The following TMEM252 variants were observed in gnomAD, a reference collection of about 807,000 sequenced individuals.
TMEM252 encodes transmembrane protein 252, also known as transmembrane protein C9orf71.
TMEM252 carries 4 observed loss-of-function variants against 6.4 expected under a neutral mutation model. That is an observed-to-expected ratio of 0.62 (90% confidence interval 0.31 to 1.43). TMEM252 has a LOEUF of 1.43. TMEM252 is among the 40% of genes most tolerant of loss of function. TMEM252 has a pLI of 0.07. For synonymous variants in TMEM252, 85 were observed against 82.5 expected, an observed-to-expected ratio of 1.03 and a Z score of -0.17; for missense variants, 207 against 209.4, an observed-to-expected ratio of 0.99 and a Z score of 0.07.
chr9:68,539,759 CCTG>C (rs1353005960), intron 1 of TMEM252, among the ~76,000 whole-genome samples: 1 of 152,130 alleles, frequency 6.6e-6, no homozygotes, highest in Non-Finnish European at 1.5e-5. Flanking sequence ...CATTTGAATC[CCTG>C]CTTTCAGTTC....
chr9:68,537,574 C>G (rs1249756198), intron 1 of TMEM252, 81 bp from the exon 2 acceptor site: 19 of 1,102,024 alleles, frequency 1.7e-5, no homozygotes, highest in African/African-American at 4.8e-5. Flanking sequence ...TCTCTCAGCT[C>G]AAATTGTGCG....
rs1825149979 is a variant in TMEM252 at position 68,537,197 on chromosome 9, T to C, written c.*62A>G. On this transcript the variant is annotated 3_prime_UTR_variant, in exon 2 of 2. Coordinates refer to ENST00000377311, the MANE Select transcript of TMEM252 (RefSeq NM_153237.2). The stretch of plus-strand genomic sequence containing the variant: ...TCCTCCCACAGTCCCTCGTTTGCCT[T>C]TATTATCAGTAGCTGCTCCCCACAG... 4 of 1,462,858 alleles carry C rather than the reference T, an allele frequency of 2.7e-6. No individual in the cohort carries two copies. The highest frequency in any genetic ancestry group is 3.7e-6 in the Non-Finnish European group (4 of 1,069,414). 90.6% of individuals were successfully genotyped at this position (1,462,858 alleles called of 1,614,324 possible).
In TMEM252 at chr9:68,540,871, G is replaced by T; in HGVS notation, c.-57C>A. 1 of 1,553,320 alleles carries T rather than the reference G, an allele frequency of 6.4e-7. No individual in the cohort carries two copies. Among genetic ancestry groups the T allele is most frequent in the Non-Finnish European group, 8.8e-7 (1 of 1,136,232 alleles). On this transcript the variant is annotated 5_prime_UTR_variant, in exon 1 of 2. Coordinates refer to ENST00000377311, the MANE Select transcript of TMEM252 (RefSeq NM_153237.2). The stretch of plus-strand genomic sequence containing the variant: ...CTGCTGCTCCTCTGCTTCCCTGCTT[G>T]CTCCAAGAGAATGAGCTCATTAGCC...
rs553387246 is a variant in TMEM252 at position 68,540,827 on chromosome 9, G to C, written c.-13C>G. 94 of 1,610,466 alleles carry C rather than the reference G, an allele frequency of 5.8e-5. 1 individual carries two copies. In the South Asian group the frequency reaches 9.8e-4, roughly 17 times the overall value. Reference sequence around the variant, plus strand: ...TTCTGTTCTGCATCCTTGCACCTTAGGAACCCAGCACCCTGACCCTGCTGC... The same window carrying C: ...TTCTGTTCTGCATCCTTGCACCTTACGAACCCAGCACCCTGACCCTGCTGC... On this transcript the variant is annotated 5_prime_UTR_variant, in exon 1 of 2. Coordinates refer to ENST00000377311, the MANE Select transcript of TMEM252 (RefSeq NM_153237.2).
intron 1 of TMEM252, among the ~76,000 whole-genome samples, chr9:68,539,066 A>C (rs546435099): frequency 1.3e-5 from 2 of 152,366 alleles, no homozygotes; most frequent in South Asian, 4.1e-4. Flanking sequence ...TTATTATCTT[A>C]TTAATTAGCA....
rs1233705209 is a variant in TMEM252 at position 68,537,171 on chromosome 9, T to C, written c.*88A>G. The C allele has an allele frequency of 2.5e-6, 3 of 1,209,498 alleles. No homozygotes were observed. Among genetic ancestry groups the C allele is most frequent in the Admixed American group, 2.5e-5 (1 of 40,688 alleles). 74.9% of individuals were successfully genotyped at this position (1,209,498 alleles called of 1,614,324 possible). A position where few individuals can be genotyped will look rare whatever the true frequency, so the allele number is the denominator to read the frequency against. On this transcript the variant is annotated 3_prime_UTR_variant, in exon 2 of 2. Transcript: ENST00000377311. Reference sequence around the variant, plus strand: ...TCTTGTGGGGTCCCTGGTGTGGCTTTTCCTCCCACAGTCCCTCGTTTGCCT... The same window carrying C: ...TCTTGTGGGGTCCCTGGTGTGGCTTCTCCTCCCACAGTCCCTCGTTTGCCT...
chr9:68,537,474 C>A lies in TMEM252; in HGVS notation c.298G>T (p.Ala100Ser). 1 of 1,599,924 alleles carries A rather than the reference C, an allele frequency of 6.3e-7. No individual in the cohort carries two copies. The highest frequency in any genetic ancestry group is 8.5e-7 in the Non-Finnish European group (1 of 1,176,222). Residue 100 changes from alanine to serine, a missense_variant, in exon 2 of 2, where the codon GCT becomes TCT. Physicochemically the swap from Ala to Ser is moderately conservative, Grantham distance 99. Coordinates refer to ENST00000377311, the MANE Select transcript of TMEM252 (RefSeq NM_153237.2). ...TCCACCTCAAGGCTCTCTTCATAAG[C>A]TGGAGGGTAAAAGTCTGGCCTAGGG... Reference protein sequence around the residue: ...TVDRPDFYPPAYEESLEVEKQ... With the variant: ...TVDRPDFYPPSYEESLEVEKQ...
In TMEM252 at chr9:68,540,546, G is replaced by T. The variant is rs539823216; in HGVS notation, c.269C>A (p.Thr90Lys). The change falls in exon 1 of 2, where the codon ACA becomes AAA. Residue 90 changes from threonine (T) to lysine (K), a missense_variant. Physicochemically the swap from Thr to Lys is moderately conservative, Grantham distance 78. Coordinates refer to ENST00000377311, the MANE Select transcript of TMEM252 (RefSeq NM_153237.2). ...GCCTGTCAGCACGTACCTGTCTACT[G>T]TGGCCACGGGCAGGGCCCCATGAGC... ...HLAHGALPVATVDRPDFYPPA... is the reference protein window; with the variant it reads ...HLAHGALPVAKVDRPDFYPPA... 1 of 1,614,016 alleles carries T rather than the reference G, an allele frequency of 6.2e-7. No individual in the cohort carries two copies. Among genetic ancestry groups the T allele is most frequent in the African/African-American group, 1.3e-5 (1 of 75,046 alleles).
At chr9:68,539,825 A>G (rs1363943576) in intron 1 of TMEM252, among the ~76,000 whole-genome samples, 1 of 152,204 alleles carries the variant, frequency 6.6e-6, no homozygotes. Context: ...GTAATTCAAT[A>G]TTTAATGTAT....
rs1825195606 is a variant in TMEM252, at chr9:68,540,720, G to A, written c.95C>T (p.Ser32Phe). Residue 32 changes from serine (S) to phenylalanine (F), a missense_variant, in exon 1 of 2, where the codon TCC (serine) becomes TTC (phenylalanine). Transcript: ENST00000377311. ...CLGAFFISWG[S>F]IFDCQGSLIA... ...CAGGCTCCCCTGACAGTCGAATATG[G>A]AGCCCCAGGAAATGAAGAAGGCCCC... 6.2e-7 allele frequency: 1 copy of A among 1,614,086 alleles called. No homozygotes were observed. The highest frequency in any genetic ancestry group is 8.5e-7 in the Non-Finnish European group (1 of 1,180,014).
At position 68,537,367 on chromosome 9, in the gene TMEM252, A is replaced by G. The variant is rs747354438; in HGVS notation, c.405T>C (p.Asp135=). 2 of 1,608,234 alleles carry G rather than the reference A, an allele frequency of 1.2e-6. No homozygotes were observed. Among genetic ancestry groups the G allele is most frequent in the African/African-American group, 2.7e-5 (2 of 74,388 alleles). The part of the protein sequence containing the change: ...LYTETGLEFQ[D]GNDSHPEAPP... The stretch of plus-strand genomic sequence containing the variant: ...GGGCCTCTGGGTGGGAGTCATTTCC[A>G]TCCTGGAATTCCAGGCCCGTCTCTG... Residue 135 remains aspartate, a synonymous_variant, in exon 2 of 2, where the codon GAT becomes GAC. Coordinates refer to ENST00000377311, the MANE Select transcript of TMEM252 (RefSeq NM_153237.2).
Position 68,540,733 on chromosome 9 carries a change from TGAA to T in TMEM252, c.79_81del (p.Phe27del), listed in dbSNP as rs1825195753. 6.2e-7 allele frequency: 1 copy of T among 1,613,822 alleles called. No homozygotes were observed. On this transcript the variant is annotated inframe_deletion, in exon 1 of 2. Coordinates refer to ENST00000377311, the MANE Select transcript of TMEM252 (RefSeq NM_153237.2). ...CAGTCGAATATGGAGCCCCAGGAAATGAAGAAGGCCCCCAGGCAGACCATCAGG... is the reference window on the plus strand; with the variant it reads ...CAGTCGAATATGGAGCCCCAGGAAATGAAGGCCCCCAGGCAGACCATCAGG...
At position 68,537,013 on chromosome 9, in the gene TMEM252, G is replaced by A; in HGVS notation, c.*246C>T. ...CCTTTGGGGACCCAAGGCCAGCCGG[G>A]GTTAAGATTAGTGTGAATGCTCTGA... On this transcript the variant is annotated 3_prime_UTR_variant, in exon 2 of 2. Transcript: ENST00000377311. 1 of 442,758 alleles carries A rather than the reference G, an allele frequency of 2.3e-6. No individual in the cohort carries two copies. The highest frequency in any genetic ancestry group is 4.0e-6 in the Non-Finnish European group (1 of 251,280). 27.4% of individuals were successfully genotyped at this position (442,758 alleles called of 1,614,324 possible). A position where few individuals can be genotyped will look rare whatever the true frequency, so the allele number is the denominator to read the frequency against.
At chr9:68,539,254 C>A (rs1487482179) in intron 1 of TMEM252, among the ~76,000 whole-genome samples, 1 of 152,214 alleles carries the variant, frequency 6.6e-6, no homozygotes, top group Admixed American at 6.5e-5. Context: ...GGTCCTGTGG[C>A]TAGCCAAGAA....
intron 1 of TMEM252, among the ~76,000 whole-genome samples, chr9:68,539,253 G>A (rs1202077185): frequency 6.6e-6 from 1 of 152,166 alleles, no homozygotes; most frequent in Admixed American, 6.5e-5. Context: ...TGGTCCTGTG[G>A]CTAGCCAAGA....
rs1397233107 is a variant in TMEM252 at position 68,540,579 on chromosome 9, T to G, written c.236A>C (p.Gln79Pro). ...SKGVLRHMLR[Q>P]HLAHGALPVA... ...GGGCAGGGCCCCATGAGCAAGGTGT[T>G]GTCGGAGCATGTGCCTCAACACTCC... is the stretch of plus-strand genomic sequence containing the variant. Residue 79 changes from glutamine to proline, a missense_variant, in exon 1 of 2, where the codon CAA becomes CCA. Gln to Pro is a moderately conservative substitution (Grantham distance 76, BLOSUM62 -1). Transcript: ENST00000377311. 1.2e-6 allele frequency: 2 copies of G among 1,614,220 alleles called. No homozygotes were observed. Among genetic ancestry groups the G allele is most frequent in the Admixed American group, 1.7e-5 (1 of 60,034 alleles).
At chr9:68,540,449 G>T in intron 1 of TMEM252, 88 bp downstream of exon 1, 1 of 1,547,948 alleles carries the variant, frequency 6.5e-7, no homozygotes, top group Non-Finnish European at 8.8e-7. Flanking sequence ...CATGTAAGTC[G>T]CTCCATAGTA....
chr9:68,537,376 T>C lies in TMEM252; in HGVS notation c.396A>G (p.Glu132=), dbSNP rs777014879. The change falls in exon 2 of 2, where the codon GAA becomes GAG. Residue 132 remains glutamate, a synonymous_variant. Transcript: ENST00000377311. The stretch of plus-strand genomic sequence containing the variant: ...GGTGGGAGTCATTTCCATCCTGGAA[T>C]TCCAGGCCCGTCTCTGTATATAGAG... ...PPPLYTETGL[E]FQDGNDSHPE... The C allele has an allele frequency of 2.5e-6, 4 of 1,608,968 alleles. No homozygotes were observed. The highest frequency in any genetic ancestry group is 2.5e-6 in the Non-Finnish European group (3 of 1,178,400).
rs1825146239 is a variant in TMEM252, at chr9:68,536,902, T to C, written c.*357A>G. 1 of 221,948 alleles carries C rather than the reference T, an allele frequency of 4.5e-6. No individual in the cohort carries two copies. The highest frequency in any genetic ancestry group is 8.0e-5 in the South Asian group (1 of 12,542). The allele number at this position is 221,948 out of a possible 1,614,324, so 13.7% of individuals were successfully genotyped here. A position where few individuals can be genotyped will look rare whatever the true frequency, so the allele number is the denominator to read the frequency against. On this transcript the variant is annotated 3_prime_UTR_variant, in exon 2 of 2. Coordinates refer to ENST00000377311, the MANE Select transcript of TMEM252 (RefSeq NM_153237.2). ...TGGCTGTCCTGACAACCAGCATCTA[T>C]TCCTCCCTGGCTGGAGTTGAGGTGA... is the stretch of plus-strand genomic sequence containing the variant.
Sources: gnomAD v4.1 joint callset for allele counts (sites outside exome capture counted in the v4.1 genomes callset) on GRCh38, gnomAD v4.1.1 for gene constraint, MANE v1.5 for transcripts, NCBI Gene and HGNC (gene_info 2026-07-23, HGNC 2026-07-21) for gene names.